Variants in GRID2 observed in about 807,000 individuals in gnomAD.
The protein encoded by GRID2 is glutamate receptor ionotropic, delta-2.
A neutral mutation model predicts 114.8 loss-of-function variants in GRID2; 33 were observed. The ratio of observed to expected loss-of-function variants is 0.29; its 90% confidence interval spans 0.22 to 0.38. The LOEUF is 0.38. Ranked by LOEUF, GRID2 falls within the 10% of genes least tolerant of loss-of-function variation. The pLI is 1.00. For synonymous variants in GRID2, 505 were observed against 449.9 expected (o/e 1.12, Z -1.55); for missense variants, 1,184 against 1,257.7 (o/e 0.94, Z 0.89).
At chr4:92,795,115 T>G (rs1739798661) in intron 2 of GRID2, among the ~76,000 whole-genome samples, 1 of 151,414 alleles carries the variant, frequency 6.6e-6, no homozygotes, top group South Asian at 2.1e-4. Flanking sequence ...CTGGCTGTTT[T>G]AGGGTGGCAG....
intron 1 of GRID2, among the ~76,000 whole-genome samples, chr4:93,796,261 A>G (rs1415434728): frequency 2.0e-5 from 3 of 152,080 alleles, no homozygotes; most frequent in African/African-American, 7.2e-5. Context: ...CTAATCAAAG[A>G]TTGATACTCC....
intron 13 of GRID2, among the ~76,000 whole-genome samples, chr4:93,518,391 G>A (rs934924069): frequency 2.6e-5 from 4 of 151,618 alleles, no homozygotes; most frequent in African/African-American, 9.7e-5. Flanking sequence ...TTTTTTTTCT[G>A]CCTTGCTTTA....
At chr4:93,591,455 T>C (rs1370485756) in intron 13 of GRID2, among the ~76,000 whole-genome samples, 2 of 152,102 alleles carry the variant, frequency 1.3e-5, no homozygotes, top group Non-Finnish European at 2.9e-5. Context: ...GGATTCGGTT[T>C]GCCAGTATTT....
At chr4:93,060,401 C>T (rs976122467) in intron 2 of GRID2, among the ~76,000 whole-genome samples, 14 of 152,080 alleles carry the variant, frequency 9.2e-5, no homozygotes, top group Non-Finnish European at 1.6e-4. Flanking sequence ...ATTTGTGTTT[C>T]CATGGAAGGA....
intron 2 of GRID2, among the ~76,000 whole-genome samples, chr4:93,055,073 C>G (rs1727096444): frequency 6.6e-6 from 1 of 151,810 alleles, no homozygotes; most frequent in Non-Finnish European, 1.5e-5. Flanking sequence ...ATATAACCTT[C>G]TTATGGTTTG....
Position 93,122,890 on chromosome 4 carries a change from G to GTTTTTTTTTTT in GRID2, c.735+11949_735+11959dup, listed in dbSNP as rs886185779. 3.3e-3 allele frequency among the ~76,000 whole-genome samples: 228 copies of GTTTTTTTTTTT among 69,704 alleles called. 8 individuals are homozygous for GTTTTTTTTTTT. Among genetic ancestry groups the GTTTTTTTTTTT allele is most frequent in the Non-Finnish European group, 3.7e-3 (144 of 39,386 alleles). 45.7% of individuals were successfully genotyped at this position (69,704 alleles called of 152,430 possible). On this transcript the variant is annotated intron_variant, in intron 4 of 15. Transcript: ENST00000282020. ...GTTACTAGTCAATCCACAGATGTGG[G>GTTTTTTTTTTT]TTTTTTTTTTTTTTTTTTTTTTGAT...
At chr4:93,469,852 C>T (rs1724637733) in intron 11 of GRID2, among the ~76,000 whole-genome samples, 1 of 151,996 alleles carries the variant, frequency 6.6e-6, no homozygotes, top group Non-Finnish European at 1.5e-5. Context: ...GCAACCGGTC[C>T]CCTGTAGTTA....
intron 8 of GRID2, among the ~76,000 whole-genome samples, chr4:93,281,235 G>A (rs1041416785): frequency 1.3e-5 from 2 of 151,334 alleles, no homozygotes; most frequent in African/African-American, 2.4e-5. Context: ...AAGGAAGTGA[G>A]GGAAATAAAT....
At chr4:92,712,041 A>C in intron 2 of GRID2, among the ~76,000 whole-genome samples, 1 of 152,236 alleles carries the variant, frequency 6.6e-6, no homozygotes, top group East Asian at 1.9e-4. Flanking sequence ...TATAGAAGTA[A>C]CATTGAGAGG....
chr4:92,483,883 A>G lies in GRID2; in HGVS notation c.89-106248A>G, dbSNP rs573973123. Among the ~76,000 whole-genome samples, 238 of 152,296 alleles carry G rather than the reference A, an allele frequency of 1.6e-3. 1 individual carries two copies. Among genetic ancestry groups the G allele is most frequent in the African/African-American group, 5.5e-3 (228 of 41,588 alleles). On this transcript the variant is annotated intron_variant, in intron 1 of 15. Transcript: ENST00000282020. ...GCCACACCTGACAGTGTGGCAAATTAGCTTATACATTTTTGAAGAATTTTA... is the reference window on the plus strand; with the variant it reads ...GCCACACCTGACAGTGTGGCAAATTGGCTTATACATTTTTGAAGAATTTTA...
At chr4:93,254,435 C>G (rs6532392) in intron 8 of GRID2, among the ~76,000 whole-genome samples, 108,496 of 151,942 alleles carry the variant, frequency 0.71, 39,614 homozygotes, top group African/African-American at 0.86. Flanking sequence ...GAAGAGAAAA[C>G]CACTTATCCA....
intron 1 of GRID2, among the ~76,000 whole-genome samples, chr4:92,350,367 G>T (rs573053544): frequency 4.4e-4 from 66 of 151,314 alleles, no homozygotes; most frequent in Non-Finnish European, 8.9e-4. Flanking sequence ...AGTCTTTCTG[G>T]ATACTTATTT....
intron 2 of GRID2, among the ~76,000 whole-genome samples, chr4:92,917,528 A>G: frequency 6.6e-6 from 1 of 152,136 alleles, no homozygotes; most frequent in South Asian, 2.1e-4. Flanking sequence ...ATCTTGAATT[A>G]ATTTTTGTAT....
intron 1 of GRID2, among the ~76,000 whole-genome samples, chr4:93,788,334 A>G (rs1268692568): frequency 6.6e-6 from 1 of 152,094 alleles, no homozygotes; most frequent in Non-Finnish European, 1.5e-5. Context: ...AAAGAAAAGA[A>G]AACGTAAAGC....
At chr4:92,762,307 A>T (rs565375782) in intron 2 of GRID2, among the ~76,000 whole-genome samples, 9 of 152,256 alleles carry the variant, frequency 5.9e-5, no homozygotes, top group Admixed American at 1.3e-4. Flanking sequence ...TATTAAAATC[A>T]TATAATAGTG....
intron 7 of GRID2, among the ~76,000 whole-genome samples, chr4:93,226,148 C>T (rs893528897): frequency 6.6e-5 from 10 of 152,168 alleles, no homozygotes; most frequent in East Asian, 3.9e-4. Flanking sequence ...CCAATATTCA[C>T]GTCCCGCTCA....
intron 12 of GRID2, among the ~76,000 whole-genome samples, chr4:93,492,261 C>T (rs1727081639): frequency 6.6e-6 from 1 of 151,800 alleles, no homozygotes; most frequent in East Asian, 1.9e-4. Context: ...GATGCATTAG[C>T]TTATTTAAAA....
chr4:93,362,085 T>G (rs1761934905), intron 8 of GRID2, among the ~76,000 whole-genome samples: 1 of 152,132 alleles, frequency 6.6e-6, no homozygotes, highest in Non-Finnish European at 1.5e-5. Flanking sequence ...ACACTGCTGT[T>G]GCTTGTTACA....
intron 2 of GRID2, among the ~76,000 whole-genome samples, chr4:92,741,687 ACT>A (rs1396840093): frequency 1.3e-5 from 2 of 151,938 alleles, no homozygotes; most frequent in Non-Finnish European, 1.5e-5. Flanking sequence ...AAGCACTTCA[ACT>A]CTTGTCTGTC....
Sources: gnomAD v4.1 joint callset for allele counts (sites outside exome capture counted in the v4.1 genomes callset) on GRCh38, gnomAD v4.1.1 for gene constraint, MANE v1.5 for transcripts, NCBI Gene and HGNC (gene_info 2026-07-23, HGNC 2026-07-21) for gene names.